ZNF280D: variants seen among roughly 807,000 people sequenced by gnomAD.
ZNF280D encodes the protein zinc finger protein 280D, also known as suppressor of hairy wing homolog 4.
A neutral mutation model predicts 94.7 loss-of-function variants in ZNF280D; 39 were observed. The ratio of observed to expected loss-of-function variants is 0.41; its 90% CI spans 0.32 to 0.54. The LOEUF (loss-of-function observed/expected upper bound fraction) is 0.54. ZNF280D is among the 20% of genes least tolerant of loss of function. The pLI is 0.22. For synonymous variants in ZNF280D, 398 were observed against 377.6 expected (o/e 1.05, Z -0.63); for missense variants, 1,090 against 1,149.3 (o/e 0.95, Z 0.75).
intron 20 of ZNF280D, among the ~76,000 whole-genome samples, chr15:56,642,091 C>A (rs555942444): frequency 7.3e-5 from 11 of 151,618 alleles, no homozygotes; most frequent in African/African-American, 2.7e-4. Flanking sequence ...ACATAAGATT[C>A]GAGTTCAACA....
chr15:56,637,926 A>C (rs1414910100), intron 20 of ZNF280D, among the ~76,000 whole-genome samples: 2 of 152,140 alleles, frequency 1.3e-5, no homozygotes, highest in Non-Finnish European at 2.9e-5. Context: ...GAAAGTATGC[A>C]TAAGTCACAA....
At chr15:56,695,957 T>C (rs2141134629) in intron 6 of ZNF280D, among the ~76,000 whole-genome samples, 1 of 152,308 alleles carries the variant, frequency 6.6e-6, no homozygotes, top group South Asian at 2.1e-4. Context: ...CAAATACATA[T>C]TACTTCATAA....
intron 13 of ZNF280D, among the ~76,000 whole-genome samples, chr15:56,670,355 CCCTCTGG>C (rs1224318997): frequency 3.3e-5 from 5 of 151,664 alleles, no homozygotes; most frequent in African/African-American, 7.3e-5. Flanking sequence ...CCACCCTCTG[CCCTCTGG>C]CAGGCCTAAG....
chr15:56,632,223 A>G, intron 21 of ZNF280D, 101 bp from the exon 22 acceptor site: 1 of 1,151,238 alleles, frequency 8.7e-7, no homozygotes, highest in Non-Finnish European at 1.2e-6. Context: ...GTCAAGGTAC[A>G]TTTGCCCACC....
intron 3 of ZNF280D, among the ~76,000 whole-genome samples, chr15:56,704,908 A>G (rs1235254527): frequency 6.6e-6 from 1 of 152,058 alleles, no homozygotes; most frequent in East Asian, 1.9e-4. Flanking sequence ...GCTTGAATCT[A>G]GGAGGTGGAG....
chr15:56,657,901 C>T (rs2053657768), intron 17 of ZNF280D, among the ~76,000 whole-genome samples: 1 of 152,006 alleles, frequency 6.6e-6, no homozygotes, highest in Non-Finnish European at 1.5e-5. Flanking sequence ...AATACATGTC[C>T]ATACAAAAAC....
chr15:56,691,817 C>T (rs2056439723), intron 7 of ZNF280D, among the ~76,000 whole-genome samples: 1 of 151,904 alleles, frequency 6.6e-6, no homozygotes, highest in Admixed American at 6.6e-5. Context: ...ATAAAAAATC[C>T]CTAAGTAGAG....
chr15:56,647,731 ATGTTGCGCAG>A (rs1426792774), intron 19 of ZNF280D, among the ~76,000 whole-genome samples: 1 of 151,974 alleles, frequency 6.6e-6, no homozygotes, highest in African/African-American at 2.4e-5. Flanking sequence ...GGGTTTCACC[ATGTTGCGCAG>A]GCTGGTCTCG....
chr15:56,685,613 AT>A (rs1210034056), intron 9 of ZNF280D, among the ~76,000 whole-genome samples: 11 of 152,172 alleles, frequency 7.2e-5, no homozygotes, highest in African/African-American at 2.4e-4. Context: ...GAAGGGAAAG[AT>A]GGGTGGGTTA....
chr15:56,696,425 G>C (rs559131310), intron 6 of ZNF280D, among the ~76,000 whole-genome samples: 2 of 152,260 alleles, frequency 1.3e-5, no homozygotes, highest in South Asian at 4.1e-4. Flanking sequence ...GGTAAACTAA[G>C]GTTAGGTGGG....
At chr15:56,687,552 A>C (rs759250078) in intron 9 of ZNF280D, among the ~76,000 whole-genome samples, 3 of 152,204 alleles carry the variant, frequency 2.0e-5, no homozygotes, top group Non-Finnish European at 4.4e-5. Flanking sequence ...AGGTAAAAAA[A>C]GACACAGAGA....
In ZNF280D at chr15:56,639,263, A is replaced by G. The variant is rs1289626901; in HGVS notation, c.2259+3689T>C. On this transcript the variant is annotated intron_variant, in intron 20 of 21. Transcript: ENST00000267807. ...AAAACAAAAAGATGAAAGGCCAGAA[A>G]GAAAATAACATACAATTAAATGAGC... Among the ~76,000 whole-genome samples the G allele has an allele frequency of 1.8e-4, 27 of 151,682 alleles. No homozygotes were observed. In the Admixed American group the frequency reaches 1.8e-3, roughly 10 times the overall value.
chr15:56,676,124 G>C (rs1355654561), intron 13 of ZNF280D, among the ~76,000 whole-genome samples: 5 of 152,038 alleles, frequency 3.3e-5, no homozygotes, highest in African/African-American at 1.2e-4. Context: ...TTCTCTGCCA[G>C]AGTTCATATA....
At chr15:56,705,421 A>G (rs964378196) in intron 3 of ZNF280D, among the ~76,000 whole-genome samples, 3 of 152,202 alleles carry the variant, frequency 2.0e-5, no homozygotes, top group African/African-American at 7.2e-5. Context: ...AGTCTGGAGC[A>G]AAGAGAGCAG....
chr15:56,677,288 A>G (rs1438888831), intron 12 of ZNF280D, among the ~76,000 whole-genome samples: 3 of 152,138 alleles, frequency 2.0e-5, no homozygotes, highest in Non-Finnish European at 4.4e-5. Flanking sequence ...TTTGTATCTA[A>G]CAGCACTTTG....
chr15:56,685,614 T>C (rs2055950453), intron 9 of ZNF280D, among the ~76,000 whole-genome samples: 5 of 152,064 alleles, frequency 3.3e-5, no homozygotes, highest in Admixed American at 2.6e-4. Flanking sequence ...AAGGGAAAGA[T>C]GGGTGGGTTA....
intron 16 of ZNF280D, among the ~76,000 whole-genome samples, chr15:56,663,919 G>T (rs761518275): frequency 4.6e-5 from 7 of 152,004 alleles, no homozygotes; most frequent in Admixed American, 2.0e-4. Context: ...AAAAGAAGAA[G>T]AAATGAAGAA....
rs2054720914 is a variant in ZNF280D at position 56,669,986 on chromosome 15, A to ATATATATAT, written c.1411-1038_1411-1030dup. On this transcript the variant is annotated intron_variant, in intron 13 of 21. Transcript: ENST00000267807. ...ATTATATATATATAATATATATATT[A>ATATATATAT]TATATATATATTATATATATATAAT... 2.3e-3 allele frequency among the ~76,000 whole-genome samples: 3 copies of ATATATATAT among 1,280 alleles called. 1 individual carries two copies. Among genetic ancestry groups the ATATATATAT allele is most frequent in the Non-Finnish European group, 4.6e-3 (3 of 646 alleles). 0.8% of individuals were successfully genotyped at this position (1,280 alleles called of 152,430 possible).
intron 1 of ZNF280D, among the ~76,000 whole-genome samples, chr15:56,715,674 G>T (rs1350759524): frequency 2.0e-5 from 3 of 152,038 alleles, no homozygotes; most frequent in African/African-American, 7.2e-5. Context: ...AGCTTTAAAA[G>T]ATCTCAATAA....
Sources: gnomAD v4.1 joint callset for allele counts (sites outside exome capture counted in the v4.1 genomes callset) on GRCh38, gnomAD v4.1.1 for gene constraint, MANE v1.5 for transcripts, NCBI Gene and HGNC (gene_info 2026-07-23, HGNC 2026-07-21) for gene names.